Variants in CAMK1D observed in about 807,000 individuals in gnomAD.
CAMK1D encodes the protein calcium/calmodulin dependent protein kinase ID.
A neutral mutation model predicts 47.7 loss-of-function variants in CAMK1D; 9 were observed. That is an observed-to-expected ratio of 0.19 (90% confidence interval 0.11 to 0.33). The LOEUF (loss-of-function observed/expected upper bound fraction) is 0.33. CAMK1D is among the 10% of genes least tolerant of loss of function. CAMK1D has a pLI of 1.00. For missense variants in CAMK1D, 291 were observed against 488.7 expected (o/e 0.60, Z 3.81); for synonymous variants, 184 against 184.9 (o/e 0.99, Z 0.04).
intron 1 of CAMK1D, among the ~76,000 whole-genome samples, chr10:12,542,210 T>A (rs12262120): frequency 0.035 from 5,387 of 152,252 alleles, 286 homozygotes; most frequent in African/African-American, 0.11. Context: ...CCTTTAATAT[T>A]GTGCTGACGT....
chr10:12,480,687 G>T (rs887459369), intron 1 of CAMK1D, among the ~76,000 whole-genome samples: 9 of 152,174 alleles, frequency 5.9e-5, no homozygotes, highest in Non-Finnish European at 1.3e-4. Flanking sequence ...CTTGCCCAAG[G>T]CCGTGTAGGT....
chr10:12,404,867 T>G (rs889875048), intron 1 of CAMK1D, among the ~76,000 whole-genome samples: 5 of 151,988 alleles, frequency 3.3e-5, no homozygotes, highest in African/African-American at 1.2e-4. Context: ...TTTTGTATTT[T>G]TAGTAGAAAT....
At chr10:12,506,413 C>G (rs1834872985) in intron 1 of CAMK1D, among the ~76,000 whole-genome samples, 1 of 152,128 alleles carries the variant, frequency 6.6e-6, no homozygotes, top group South Asian at 2.1e-4. Flanking sequence ...CAGTGAGACT[C>G]TGTCTCAAAA....
At chr10:12,362,152 A>G (rs1044059768) in intron 1 of CAMK1D, among the ~76,000 whole-genome samples, 2 of 152,188 alleles carry the variant, frequency 1.3e-5, no homozygotes, top group Admixed American at 6.5e-5. Context: ...TGTTAAGTAC[A>G]TTACAGCATT....
intron 2 of CAMK1D, among the ~76,000 whole-genome samples, chr10:12,649,403 A>G (rs1030228579): frequency 6.6e-6 from 1 of 152,118 alleles, no homozygotes; most frequent in East Asian, 1.9e-4. Flanking sequence ...GCCCATGGGA[A>G]CTCGATATGG....
intron 1 of CAMK1D, among the ~76,000 whole-genome samples, chr10:12,430,870 C>T (rs1329878520): frequency 1.4e-5 from 1 of 73,014 alleles, no homozygotes; most frequent in Admixed American, 1.2e-4. Flanking sequence ...CCTGCTTCAC[C>T]CTCTTAAGTA....
At chr10:12,635,434 T>G (rs907844771) in intron 2 of CAMK1D, among the ~76,000 whole-genome samples, 2 of 152,184 alleles carry the variant, frequency 1.3e-5, no homozygotes, top group African/African-American at 4.8e-5. Flanking sequence ...TACAAAGTTG[T>G]GTTCATTCAC....
chr10:12,640,656 C>T (rs1351557938), intron 2 of CAMK1D, among the ~76,000 whole-genome samples: 1 of 152,142 alleles, frequency 6.6e-6, no homozygotes, highest in Non-Finnish European at 1.5e-5. Flanking sequence ...TTGCATCTCC[C>T]TGTAACTGGT....
chr10:12,601,713 C>T (rs1273566539), intron 2 of CAMK1D, among the ~76,000 whole-genome samples: 4 of 152,172 alleles, frequency 2.6e-5, no homozygotes, highest in African/African-American at 9.7e-5. Context: ...CCGCCCGCCT[C>T]GGCCTCCCAA....
intron 8 of CAMK1D, among the ~76,000 whole-genome samples, chr10:12,816,746 C>A (rs1832811263): frequency 6.6e-6 from 1 of 151,884 alleles, no homozygotes; most frequent in Admixed American, 6.6e-5. Flanking sequence ...GTGGCGCGCG[C>A]CTGTAATCCC....
At chr10:12,432,158 G>T (rs1832497086) in intron 1 of CAMK1D, among the ~76,000 whole-genome samples, 1 of 152,214 alleles carries the variant, frequency 6.6e-6, no homozygotes, top group African/African-American at 2.4e-5. Context: ...ATTTGCCTTT[G>T]GAGATGGTGA....
chr10:12,456,229 A>G (rs1485477192), intron 1 of CAMK1D, among the ~76,000 whole-genome samples: 2 of 152,248 alleles, frequency 1.3e-5, no homozygotes, highest in African/African-American at 2.4e-5. Flanking sequence ...TTTGATTTCC[A>G]TGTCATTGTG....
intron 6 of CAMK1D, among the ~76,000 whole-genome samples, chr10:12,808,970 A>G (rs1832486654): frequency 6.6e-6 from 1 of 151,904 alleles, no homozygotes; most frequent in Non-Finnish European, 1.5e-5. Flanking sequence ...TACAAAAATT[A>G]GCCAGGTGTG....
chr10:12,806,196 T>C (rs536749206), intron 6 of CAMK1D, among the ~76,000 whole-genome samples: 110 of 152,280 alleles, frequency 7.2e-4, no homozygotes, highest in African/African-American at 2.6e-3. Context: ...TTTCTGGGTA[T>C]TTTTTACACT....
intron 1 of CAMK1D, among the ~76,000 whole-genome samples, chr10:12,474,687 T>A (rs1319690427): frequency 1.3e-5 from 2 of 152,108 alleles, no homozygotes; most frequent in Admixed American, 6.6e-5. Flanking sequence ...AGATTTTTTT[T>A]ATCACCCAGG....
intron 2 of CAMK1D, among the ~76,000 whole-genome samples, chr10:12,624,632 A>G (rs543243416): frequency 6.6e-6 from 1 of 152,202 alleles, no homozygotes; most frequent in South Asian, 2.1e-4. Flanking sequence ...TCTTTCATTC[A>G]TCTGCCCTCG....
intron 3 of CAMK1D, among the ~76,000 whole-genome samples, chr10:12,691,634 C>T (rs1386255345): frequency 6.6e-6 from 1 of 151,404 alleles, no homozygotes; most frequent in Non-Finnish European, 1.5e-5. Flanking sequence ...CAGGGTTTCA[C>T]CATATTGGCC....
intron 3 of CAMK1D, among the ~76,000 whole-genome samples, chr10:12,705,025 A>G (rs1322649646): frequency 6.6e-6 from 1 of 152,196 alleles, no homozygotes; most frequent in Non-Finnish European, 1.5e-5. Context: ...GGGATCAGTT[A>G]AGTTAGTTGA....
chr10:12,433,163 T>A (rs1310739981), intron 1 of CAMK1D, among the ~76,000 whole-genome samples: 1 of 152,224 alleles, frequency 6.6e-6, no homozygotes, highest in East Asian at 1.9e-4. Context: ...CTCTTTATGC[T>A]GTTCTCCTTT....
Sources: gnomAD v4.1 joint callset for allele counts (sites outside exome capture counted in the v4.1 genomes callset) on GRCh38, gnomAD v4.1.1 for gene constraint, MANE v1.5 for transcripts, NCBI Gene and HGNC (gene_info 2026-07-23, HGNC 2026-07-21) for gene names.